PLAG1: variants seen among roughly 807,000 people sequenced by gnomAD.
The protein encoded by PLAG1 is zinc finger protein PLAG1.
A neutral mutation model predicts 35.5 loss-of-function variants in PLAG1; 7 were observed. The ratio of observed to expected loss-of-function variants is 0.20; its 90% confidence interval spans 0.11 to 0.37. The LOEUF (loss-of-function observed/expected upper bound fraction) is 0.37, where lower values mean the gene tolerates loss of function less well. Ranked by LOEUF, PLAG1 falls within the 10% of genes least tolerant of loss-of-function variation. PLAG1 has a pLI of 1.00. For missense variants in PLAG1, 454 were observed against 602.8 expected (o/e 0.75, Z 2.58); for synonymous variants, 229 against 225.4 (o/e 1.02, Z -0.14).
intron 1 of PLAG1, among the ~76,000 whole-genome samples, chr8:56,189,229 G>A (rs749109215): frequency 6.6e-6 from 1 of 152,214 alleles, no homozygotes; most frequent in African/African-American, 2.4e-5. Flanking sequence ...TCACCTCTGT[G>A]AATAACTGGG....
At chr8:56,200,000 T>C (rs908022476) in intron 1 of PLAG1, among the ~76,000 whole-genome samples, 2 of 152,188 alleles carry the variant, frequency 1.3e-5, no homozygotes, top group Non-Finnish European at 2.9e-5. Context: ...AAACCCCTTC[T>C]GTGTGGCCTT....
intron 2 of PLAG1, among the ~76,000 whole-genome samples, chr8:56,174,055 T>A (rs1027654312): frequency 5.3e-5 from 8 of 152,340 alleles, no homozygotes; most frequent in South Asian, 4.1e-4. Flanking sequence ...CCTGCATCAA[T>A]AATTATTTCA....
At chr8:56,170,942 CAAAT>C in intron 3 of PLAG1, 145 bp downstream of exon 3, 1 of 155,836 alleles carries the variant, frequency 6.4e-6, no homozygotes, top group East Asian at 1.9e-4. Context: ...TTACAAAACT[CAAAT>C]TAATTATCAT....
chr8:56,199,166 T>C (rs1723580203), intron 1 of PLAG1, among the ~76,000 whole-genome samples: 2 of 152,064 alleles, frequency 1.3e-5, no homozygotes, highest in Admixed American at 1.3e-4. Context: ...GCCAAAATGC[T>C]GGTGGTTGGG....
intron 1 of PLAG1, among the ~76,000 whole-genome samples, chr8:56,194,301 G>A (rs1195932222): frequency 6.8e-6 from 1 of 147,436 alleles, no homozygotes; most frequent in Non-Finnish European, 1.5e-5. Flanking sequence ...TGGGTGAGAG[G>A]GCACAACTCT....
chr8:56,190,112 A>G (rs1812139599), intron 1 of PLAG1, among the ~76,000 whole-genome samples: 1 of 152,218 alleles, frequency 6.6e-6, no homozygotes, highest in Non-Finnish European at 1.5e-5. Flanking sequence ...TTCCTCAGCT[A>G]TGAAGTGAGA....
chr8:56,207,972 A>G (rs1271413828), intron 1 of PLAG1, among the ~76,000 whole-genome samples: 1 of 152,130 alleles, frequency 6.6e-6, no homozygotes, highest in Non-Finnish European at 1.5e-5. Flanking sequence ...AAGAAAAAAA[A>G]TCACAATACC....
At position 56,166,612 on chromosome 8, in the gene PLAG1, T is replaced by C. The variant is rs751117942; in HGVS notation, c.1134A>G (p.Ser378=). The C allele has an allele frequency of 3.7e-6, 6 of 1,614,110 alleles. No individual in the cohort carries two copies. Among genetic ancestry groups the C allele is most frequent in the East Asian group, 2.2e-5 (1 of 44,876 alleles). The change falls in exon 5 of 5, where the codon TCA becomes TCG. Residue 378 remains serine, a synonymous_variant. Coordinates refer to ENST00000316981, the MANE Select transcript of PLAG1 (RefSeq NM_002655.3). The part of the protein sequence containing the change: ...PSSSQDSQAS[S]SSKLGLDPQI... ...GAGGATCCAACCCTAGCTTAGATGATGACGATGCTTGAGAATCTTGGGATG... is the reference window on the plus strand; with the variant it reads ...GAGGATCCAACCCTAGCTTAGATGACGACGATGCTTGAGAATCTTGGGATG...
chr8:56,201,856 T>C (rs1330698167), intron 1 of PLAG1, among the ~76,000 whole-genome samples: 1 of 152,146 alleles, frequency 6.6e-6, no homozygotes, highest in Admixed American at 6.5e-5. Context: ...ACTCAAAATA[T>C]TTTGAGAGTT....
At chr8:56,190,340 C>T (rs772844205) in intron 1 of PLAG1, among the ~76,000 whole-genome samples, 1 of 151,948 alleles carries the variant, frequency 6.6e-6, no homozygotes, top group Non-Finnish European at 1.5e-5. Context: ...AGCAACAGGT[C>T]GAAGGTATGC....
chr8:56,197,999 G>A (rs528970022), intron 1 of PLAG1, among the ~76,000 whole-genome samples: 1 of 152,192 alleles, frequency 6.6e-6, no homozygotes, highest in East Asian at 1.9e-4. Context: ...GTGATCCCAG[G>A]CCTCCTCCTA....
In PLAG1 at chr8:56,189,648, C is replaced by A. The variant is rs182513181; in HGVS notation, c.-321-10135G>T. 3.2e-4 allele frequency among the ~76,000 whole-genome samples: 49 copies of A among 152,148 alleles called. 1 individual carries two copies. The highest frequency in any genetic ancestry group is 6.8e-3 in the Middle Eastern group (2 of 294). On this transcript the variant is annotated intron_variant, in intron 1 of 4. Transcript: ENST00000316981. The stretch of plus-strand genomic sequence containing the variant: ...GCAAAACAGAAGGTAGAAGATGCCA[C>A]AAGGTAAGTATAGATTAGGTACAGT...
intron 1 of PLAG1, among the ~76,000 whole-genome samples, chr8:56,187,072 T>C (rs1487545482): frequency 6.6e-6 from 1 of 152,200 alleles, no homozygotes; most frequent in Non-Finnish European, 1.5e-5. Flanking sequence ...TGACAGTTAA[T>C]TAACAAAATG....
At chr8:56,194,367 A>C (rs557062603) in intron 1 of PLAG1, among the ~76,000 whole-genome samples, 3 of 152,248 alleles carry the variant, frequency 2.0e-5, no homozygotes, top group East Asian at 1.9e-4. Context: ...TAGGCTATCA[A>C]GTAACTATTC....
At chr8:56,206,903 TCA>T (rs1388972830) in intron 1 of PLAG1, among the ~76,000 whole-genome samples, 1 of 151,990 alleles carries the variant, frequency 6.6e-6, no homozygotes, top group African/African-American at 2.4e-5. Flanking sequence ...TTGAACAGAT[TCA>T]GTTTCCTCCT....
At chr8:56,168,972 C>T (rs1190906950) in intron 3 of PLAG1, among the ~76,000 whole-genome samples, 1 of 152,220 alleles carries the variant, frequency 6.6e-6, no homozygotes, top group Non-Finnish European at 1.5e-5. Context: ...CCAGTGTCAT[C>T]ATACTCTGAG....
At chr8:56,189,453 G>C (rs1176570433) in intron 1 of PLAG1, among the ~76,000 whole-genome samples, 1 of 151,968 alleles carries the variant, frequency 6.6e-6, no homozygotes, top group East Asian at 1.9e-4. Flanking sequence ...TCCGGGTAAG[G>C]GATATAAGAA....
At chr8:56,203,033 C>T (rs1311410593) in intron 1 of PLAG1, among the ~76,000 whole-genome samples, 2 of 152,032 alleles carry the variant, frequency 1.3e-5, no homozygotes, top group Non-Finnish European at 2.9e-5. Context: ...CAACCAAGTA[C>T]TGACCTATTT....
chr8:56,181,171 G>A (rs1811853712), intron 1 of PLAG1, among the ~76,000 whole-genome samples: 1 of 152,172 alleles, frequency 6.6e-6, no homozygotes, highest in Non-Finnish European at 1.5e-5. Flanking sequence ...ATTCCTCAAG[G>A]ATCTTGAACT....
Sources: gnomAD v4.1 joint callset for allele counts (sites outside exome capture counted in the v4.1 genomes callset) on GRCh38, gnomAD v4.1.1 for gene constraint, MANE v1.5 for transcripts, NCBI Gene and HGNC (gene_info 2026-07-23, HGNC 2026-07-21) for gene names.